The following SLC9A3 variants were observed in gnomAD, a reference collection of about 807,000 sequenced individuals.
The protein encoded by SLC9A3 is sodium/hydrogen exchanger 3.
A neutral mutation model predicts 86.8 loss-of-function variants in SLC9A3; 37 were observed. That is an observed-to-expected ratio of 0.43 (90% CI 0.33 to 0.56). The LOEUF (loss-of-function observed/expected upper bound fraction) is 0.56. Ranked by LOEUF, SLC9A3 falls within the 20% of genes least tolerant of loss-of-function variation. The probability of loss-of-function intolerance (pLI) is 0.06; values close to 1 mark genes in which losing one functional copy is unlikely to be tolerated. For synonymous variants in SLC9A3, 581 were observed against 528.3 expected, an observed-to-expected ratio of 1.10 and a Z score of -1.37; for missense variants, 1,011 against 1,171.9, an observed-to-expected ratio of 0.86 and a Z score of 2.00.
intron 2 of SLC9A3, among the ~76,000 whole-genome samples, chr5:490,504 G>A (rs1739683682): frequency 6.6e-6 from 1 of 152,240 alleles, no homozygotes; most frequent in Non-Finnish European, 1.5e-5. Flanking sequence ...TGCTAGGCGG[G>A]GACCATTGTG....
intron 1 of SLC9A3, among the ~76,000 whole-genome samples, chr5:507,538 T>G (rs1182440077): frequency 6.6e-6 from 1 of 151,838 alleles, no homozygotes; most frequent in Non-Finnish European, 1.5e-5. Context: ...GTGCTGGGAT[T>G]ACAGGTGTGA....
chr5:490,708 T>C (rs1328614572), intron 2 of SLC9A3, among the ~76,000 whole-genome samples: 2 of 152,230 alleles, frequency 1.3e-5, no homozygotes, highest in Non-Finnish European at 2.9e-5. Flanking sequence ...CTACAACCCC[T>C]GAGGCTTTCC....
chr5:483,328 T>G lies in SLC9A3; in HGVS notation c.1087A>C (p.Ile363Leu). The change falls in exon 6 of 17, where the codon ATC becomes CTC. Residue 363 changes from isoleucine to leucine, a missense_variant. Around this residue, in one of 3 missense-constraint regions of SLC9A3, gnomAD observed 565 missense variants for 790.0 expected, o/e 0.72. Coordinates refer to ENST00000264938, the MANE Select transcript of SLC9A3 (RefSeq NM_004174.4). ...ACGAAGGCCGTGTTCCAGGTCCAGA[T>G]GAACGGGTTCACGGCCGAGATACCC... ...FLGISAVNPF[I>L]WTWNTAFVLL... 1 of 1,566,290 alleles carries G rather than the reference T, an allele frequency of 6.4e-7. No individual in the cohort carries two copies. The highest frequency in any genetic ancestry group is 8.6e-7 in the Non-Finnish European group (1 of 1,156,214).
chr5:483,530 C>G, intron 5 of SLC9A3, 48 bp from the exon 6 acceptor site: 3 of 1,370,136 alleles, frequency 2.2e-6, no homozygotes, highest in Non-Finnish European at 3.0e-6. Flanking sequence ...GCCTGGCGCC[C>G]GAGGCCCCCG....
intron 5 of SLC9A3, 64 bp from the exon 6 acceptor site, chr5:483,546 G>A (rs1160290386): frequency 1.8e-5 from 21 of 1,195,580 alleles, no homozygotes; most frequent in Admixed American, 6.1e-5. Context: ...CCCCGTGTCC[G>A]CCCAGCCCCC....
rs923366286 is a variant in SLC9A3 at position 482,477 on chromosome 5, C to G, written c.1356+71G>C. 6 of 1,295,928 alleles carry G rather than the reference C, an allele frequency of 4.6e-6. No individual in the cohort carries two copies. The African/African-American group carries it at 8.8e-5, about 19-fold the overall frequency. 80.3% of individuals were successfully genotyped at this position (1,295,928 alleles called of 1,614,324 possible). A position where few individuals can be genotyped will look rare whatever the true frequency, so the allele number is the denominator to read the frequency against. ...GGGTCTGGAGCCTGGAAATGCTTGTCCTGAAGTGCGGGCCCAGGCTCCCCT... is the reference window on the plus strand; with the variant it reads ...GGGTCTGGAGCCTGGAAATGCTTGTGCTGAAGTGCGGGCCCAGGCTCCCCT... On this transcript the variant is annotated intron_variant, in intron 7 of 16. Transcript: ENST00000264938.
chr5:501,992 C>G (rs575283681), intron 1 of SLC9A3, among the ~76,000 whole-genome samples: 36 of 152,362 alleles, frequency 2.4e-4, no homozygotes, highest in African/African-American at 8.7e-4. Flanking sequence ...GAAGTTCACA[C>G]AGCTCCAAGA....
In SLC9A3 at chr5:472,087, C is replaced by G. The variant is rs1738389210; in HGVS notation, c.*1292G>C. ...CAGGCAGGTTTCAGGTGGGTTGGACCCTGTGGGACTTGCCGTCTGAGGGAT... is the reference window on the plus strand; with the variant it reads ...CAGGCAGGTTTCAGGTGGGTTGGACGCTGTGGGACTTGCCGTCTGAGGGAT... On this transcript the variant is annotated 3_prime_UTR_variant, in exon 17 of 17. Transcript: ENST00000264938. 4.6e-6 allele frequency: 2 copies of G among 432,842 alleles called. No homozygotes were observed. Among genetic ancestry groups the G allele is most frequent in the African/African-American group, 2.0e-5 (1 of 49,176 alleles). 26.8% of individuals were successfully genotyped at this position (432,842 alleles called of 1,614,324 possible).
At chr5:484,964 C>G (rs920243891) in intron 4 of SLC9A3, among the ~76,000 whole-genome samples, 189 bp downstream of exon 4, 1 of 152,256 alleles carries the variant, frequency 6.6e-6, no homozygotes, top group African/African-American at 2.4e-5. Flanking sequence ...CTGGGAAACA[C>G]CCAGGAACCC....
intron 10 of SLC9A3, 75 bp from the exon 11 acceptor site, chr5:477,519 G>GA (rs1167100498): frequency 4.0e-5 from 44 of 1,088,664 alleles, no homozygotes; most frequent in South Asian, 1.3e-4. Flanking sequence ...GCCCTGGGGG[G>GA]AAGCGCCCAG....
chr5:510,943 TCTCCCCTGGCCAC>T (rs1740846546), intron 1 of SLC9A3, among the ~76,000 whole-genome samples: 1 of 152,210 alleles, frequency 6.6e-6, no homozygotes, highest in East Asian at 1.9e-4. Context: ...TCTTCCTGTG[TCTCCCCTGGCCAC>T]AGCCCTTCTT....
intron 16 of SLC9A3, among the ~76,000 whole-genome samples, chr5:474,562 AG>A (rs1317969793): frequency 5.1e-5 from 2 of 39,328 alleles, no homozygotes; most frequent in African/African-American, 3.5e-4. Context: ...GGAGACCTGG[AG>A]GGAGAGGAGC....
intron 11 of SLC9A3, 43 bp downstream of exon 11, chr5:477,289 C>T (rs775754635): frequency 7.1e-7 from 1 of 1,404,186 alleles, no homozygotes; most frequent in African/African-American, 1.4e-5. Flanking sequence ...GCTCCCGAGG[C>T]TGGGCTCTTC....
chr5:515,081 G>C (rs1373908593), intron 1 of SLC9A3, among the ~76,000 whole-genome samples: 1 of 152,144 alleles, frequency 6.6e-6, no homozygotes, highest in Non-Finnish European at 1.5e-5. Flanking sequence ...CCCTAAGGCA[G>C]AGCCTTCCAT....
chr5:504,635 C>A (rs1263139385), intron 1 of SLC9A3, among the ~76,000 whole-genome samples: 1 of 152,212 alleles, frequency 6.6e-6, no homozygotes, highest in African/African-American at 2.4e-5. Context: ...GTGGGGACAG[C>A]AGACAAACCC....
At position 496,647 on chromosome 5, in the gene SLC9A3, C is replaced by T. The variant is rs1007893224; in HGVS notation, c.212-4576G>A. On this transcript the variant is annotated intron_variant, in intron 1 of 16. Coordinates refer to ENST00000264938, the MANE Select transcript of SLC9A3 (RefSeq NM_004174.4). This position sits in a 1 kb window ranked among gnomAD's most constrained non-coding sequence, Gnocchi z 4.7. Reference sequence around the variant, plus strand: ...TCTTTTTATAGTTAAATTTATTGGTCTTTTGTTTTATGGCTTCTGAGTTTT... The same window carrying T: ...TCTTTTTATAGTTAAATTTATTGGTTTTTTGTTTTATGGCTTCTGAGTTTT... Among the ~76,000 whole-genome samples, 1 of 152,154 alleles carries T rather than the reference C, an allele frequency of 6.6e-6. No individual in the cohort carries two copies. Among genetic ancestry groups the T allele is most frequent in the Admixed American group, 6.5e-5 (1 of 15,268 alleles).
rs768456741 is a variant in SLC9A3 at position 485,133 on chromosome 5, CCT to C, written c.754+18_754+19del. The C allele has an allele frequency of 2.5e-6, 4 of 1,596,890 alleles. No individual in the cohort carries two copies. Among genetic ancestry groups the C allele is most frequent in the South Asian group, 1.1e-5 (1 of 90,834 alleles). ...AGAGGAGACACGGCCGCCCACTCCCCCTGACCCACAGCTACACACCTATGCCC... is the reference window on the plus strand; with the variant it reads ...AGAGGAGACACGGCCGCCCACTCCCCGACCCACAGCTACACACCTATGCCC... On this transcript the variant is annotated intron_variant, in intron 4 of 16. Coordinates refer to ENST00000264938, the MANE Select transcript of SLC9A3 (RefSeq NM_004174.4).
In SLC9A3 at chr5:497,791, C is replaced by T. The variant is rs1365260569; in HGVS notation, c.212-5720G>A. ...GGTCGCCCGGCCGCATCCCCAGCCT[C>T]TGCCCCTGTCCCGGGTGGGGTCGCC... On this transcript the variant is annotated intron_variant, in intron 1 of 16. Coordinates refer to ENST00000264938, the MANE Select transcript of SLC9A3 (RefSeq NM_004174.4). The surrounding 1 kb of genome is among the most constrained non-coding windows in gnomAD (Gnocchi z 5.4). Among the ~76,000 whole-genome samples the T allele has an allele frequency of 5.2e-3, 280 of 53,736 alleles. 15 individuals are homozygous for T. Among genetic ancestry groups the T allele is most frequent in the African/African-American group, 0.013 (182 of 14,274 alleles). The allele number at this position is 53,736 out of a possible 152,430, so 35.3% of individuals were successfully genotyped here. A position where few individuals can be genotyped will look rare whatever the true frequency, so the allele number is the denominator to read the frequency against.
At chr5:495,435 TC>T (rs1739983023) in intron 1 of SLC9A3, among the ~76,000 whole-genome samples, 1 of 85,696 alleles carries the variant, frequency 1.2e-5, no homozygotes, top group Non-Finnish European at 2.4e-5. Flanking sequence ...TCGCCGACCC[TC>T]CCCACGCTCC....
Sources: allele counts gnomAD v4.1 joint callset (sites outside exome capture counted in the v4.1 genomes callset), GRCh38; gene constraint gnomAD v4.1.1; regional missense constraint gnomAD v4.1.1; non-coding constraint Gnocchi (gnomAD v3.1); transcripts MANE v1.5; gene names NCBI Gene and HGNC (gene_info 2026-07-23, HGNC 2026-07-21).